The following RANBP2 variants were observed in gnomAD, a reference collection of about 807,000 sequenced individuals.
The protein encoded by RANBP2 is E3 SUMO-protein ligase RanBP2.
In RANBP2, 57 loss-of-function variants were observed where a neutral mutation model predicts 303.6. The ratio of observed to expected loss-of-function variants is 0.19; its 90% CI spans 0.15 to 0.23. The LOEUF is 0.23. RANBP2 is among the 10% of genes least tolerant of loss of function. The probability of loss-of-function intolerance (pLI) is 1.00; values close to 1 mark genes in which losing one functional copy is unlikely to be tolerated. For missense variants in RANBP2, 3,138 were observed against 3,780.8 expected (o/e 0.83, Z 4.46); for synonymous variants, 1,167 against 1,301.5 (o/e 0.90, Z 2.23).
chr2:109,724,512 A>G, the RANBP2 span, among the ~76,000 whole-genome samples: 1 of 152,092 alleles, frequency 6.6e-6, no homozygotes, highest in Admixed American at 6.6e-5. Flanking sequence ...AGTTATTTCA[A>G]CATGGAAGGG....
At chr2:109,599,545 G>A in the RANBP2 span, among the ~76,000 whole-genome samples, 2 of 152,070 alleles carry the variant, frequency 1.3e-5, no homozygotes, top group South Asian at 4.2e-4. Flanking sequence ...AGTGTGCATG[G>A]CCTGTTTGCA....
chr2:108,913,171 G>C, the RANBP2 span, among the ~76,000 whole-genome samples: 66 of 152,094 alleles, frequency 4.3e-4, no homozygotes, highest in Non-Finnish European at 8.1e-4. Context: ...GGATGGGCTC[G>C]ATCTCCTGAC....
intron 1 of RANBP2, among the ~76,000 whole-genome samples, chr2:108,723,921 T>A (rs1694488683): frequency 6.6e-6 from 1 of 151,946 alleles, no homozygotes; most frequent in African/African-American, 2.4e-5. Context: ...TGATTGATTG[T>A]CTGTCTACCT....
the RANBP2 span, among the ~76,000 whole-genome samples, chr2:109,082,600 A>G: frequency 8.1e-3 from 1,230 of 152,162 alleles, 11 homozygotes; most frequent in East Asian, 0.037. Flanking sequence ...CACCCGGCCT[A>G]GCACCCCTTT....
the RANBP2 span, among the ~76,000 whole-genome samples, chr2:108,793,534 A>G: frequency 9.8e-4 from 149 of 152,286 alleles, no homozygotes; most frequent in African/African-American, 3.4e-3. Flanking sequence ...GAATCTGCAC[A>G]TATACCCTAT....
the RANBP2 span, among the ~76,000 whole-genome samples, chr2:108,825,623 CAT>C: frequency 6.6e-5 from 10 of 152,186 alleles, no homozygotes; most frequent in South Asian, 6.2e-4. Context: ...CATGTTGTCA[CAT>C]GTGTCAATAC....
At chr2:109,351,098 A>G in the RANBP2 span, among the ~76,000 whole-genome samples, 1 of 152,258 alleles carries the variant, frequency 6.6e-6, no homozygotes, top group African/African-American at 2.4e-5. Flanking sequence ...CAGCTTTAAA[A>G]AGTGATATTT....
At chr2:109,395,197 C>T in the RANBP2 span, among the ~76,000 whole-genome samples, 1 of 152,236 alleles carries the variant, frequency 6.6e-6, no homozygotes, top group Non-Finnish European at 1.5e-5. Flanking sequence ...GTGAGTATGG[C>T]AAGCCTGGTC....
At chr2:108,892,658 G>C in the RANBP2 span, among the ~76,000 whole-genome samples, 26 of 152,322 alleles carry the variant, frequency 1.7e-4, no homozygotes, top group African/African-American at 6.3e-4. Context: ...GTTAGCTTCA[G>C]TGGTTGGGAG....
the RANBP2 span, among the ~76,000 whole-genome samples, chr2:109,350,918 A>G: frequency 2.8e-4 from 42 of 152,374 alleles, no homozygotes; most frequent in African/African-American, 9.1e-4. Context: ...GCCTTTATAC[A>G]GCATCACTGT....
At chr2:109,680,068 G>A in the RANBP2 span, among the ~76,000 whole-genome samples, 9 of 152,044 alleles carry the variant, frequency 5.9e-5, no homozygotes, top group East Asian at 3.9e-4. Context: ...AAAGAGGGCC[G>A]GGTGTGATGG....
At chr2:109,254,897 C>T in the RANBP2 span, among the ~76,000 whole-genome samples, 8 of 152,144 alleles carry the variant, frequency 5.3e-5, no homozygotes, top group South Asian at 2.1e-4. Context: ...CGAGACAGTA[C>T]GCTCCATGTG....
At chr2:109,670,630 G>A in the RANBP2 span, among the ~76,000 whole-genome samples, 5 of 152,280 alleles carry the variant, frequency 3.3e-5, no homozygotes, top group South Asian at 8.3e-4. Flanking sequence ...GGCTGACCTC[G>A]TTCTGCTGCT....
At chr2:108,806,371 G>A in the RANBP2 span, among the ~76,000 whole-genome samples, 2 of 152,226 alleles carry the variant, frequency 1.3e-5, no homozygotes, top group African/African-American at 4.8e-5. Context: ...GCATGAGTGT[G>A]TGGTAATTGG....
chr2:109,332,799 G>A, the RANBP2 span, among the ~76,000 whole-genome samples: 3 of 152,318 alleles, frequency 2.0e-5, 1 homozygote, highest in South Asian at 6.2e-4. Context: ...TGAGAAATAG[G>A]ACTCGGAATC....
At chr2:109,615,433 AG>A in the RANBP2 span, 1 of 1,613,092 alleles carries the variant, frequency 6.2e-7, no homozygotes, top group Non-Finnish European at 8.5e-7. Flanking sequence ...CACGGCAGGC[AG>A]GAGCTTCTGG....
At chr2:109,320,872 T>G in the RANBP2 span, among the ~76,000 whole-genome samples, 1 of 152,246 alleles carries the variant, frequency 6.6e-6, no homozygotes, top group South Asian at 2.1e-4. Flanking sequence ...TTCAAATCCC[T>G]GCCCTACGAT....
At chr2:109,012,547 A>G in the RANBP2 span, among the ~76,000 whole-genome samples, 4,636 of 152,286 alleles carry the variant, frequency 0.03, 234 homozygotes, top group African/African-American at 0.1. Context: ...CAGAATGACA[A>G]TGAAGCCCAA....
chr2:109,076,025 A>G, the RANBP2 span, among the ~76,000 whole-genome samples: 1 of 150,822 alleles, frequency 6.6e-6, no homozygotes, highest in Non-Finnish European at 1.5e-5. Flanking sequence ...ATGAACATAG[A>G]TGCAAAAATC....
Sources: gnomAD v4.1 joint callset for allele counts (sites outside exome capture counted in the v4.1 genomes callset) on GRCh38, gnomAD v4.1.1 for gene constraint, MANE v1.5 for transcripts, NCBI Gene and HGNC (gene_info 2026-07-23, HGNC 2026-07-21) for gene names.